IFNGR1: variants seen among roughly 807,000 people sequenced by gnomAD.
IFNGR1 encodes interferon gamma receptor 1, also known as AVP, type 2.
In IFNGR1, 23 loss-of-function variants were observed where a neutral mutation model predicts 35.4. The observed-to-expected ratio is 0.65, with a 90% CI of 0.47 to 0.92. The LOEUF (loss-of-function observed/expected upper bound fraction) is 0.92, where lower values mean the gene tolerates loss of function less well. IFNGR1 is among the 40% of genes least tolerant of loss of function. The pLI, the probability that IFNGR1 is intolerant of heterozygous loss-of-function variation, is 0.00. For missense variants in IFNGR1, 533 were observed against 583.4 expected (o/e 0.91, Z 0.89); for synonymous variants, 199 against 209.5 (o/e 0.95, Z 0.43).
intron 3 of IFNGR1, 71 bp from the exon 4 acceptor site, chr6:137,204,575 C>T (rs1196420230): frequency 4.0e-6 from 5 of 1,248,870 alleles, no homozygotes; most frequent in Non-Finnish European, 5.9e-6. Context: ...CATAAAATTA[C>T]CAGAATCTAT....
At chr6:137,216,960 T>C (rs1158654519) in intron 1 of IFNGR1, among the ~76,000 whole-genome samples, 2 of 152,078 alleles carry the variant, frequency 1.3e-5, no homozygotes, top group East Asian at 3.9e-4. Context: ...AGACAGGCAA[T>C]CCTCCTCCCA....
chr6:137,200,936 T>C lies in IFNGR1; in HGVS notation c.806A>G (p.Tyr269Cys). 1 of 1,609,742 alleles carries C rather than the reference T, an allele frequency of 6.2e-7. No individual in the cohort carries two copies. The change falls in exon 6 of 7, where the codon TAT becomes TGT. Residue 269 changes from tyrosine to cysteine, a missense_variant. By Grantham distance (194) the Tyr-to-Cys change is radical. Coordinates refer to ENST00000367739, the MANE Select transcript of IFNGR1 (RefSeq NM_000416.3). ...CTTCAATGGATTAATTTTCTTAATA[T>C]AAAAACAGATGAATACCAGGCTAAG... The part of the protein sequence containing the change: ...LVLSLVFICF[Y>C]IKKINPLKEK...
At chr6:137,203,733 G>GAA (rs34561084) in intron 4 of IFNGR1, 48 bp from the exon 5 acceptor site, 30,138 of 1,197,650 alleles carry the variant, frequency 0.025, 295 homozygotes, top group South Asian at 0.19. Flanking sequence ...CTTTTAATCT[G>GAA]AAAAAAAAAA....
At chr6:137,201,146 A>C in intron 5 of IFNGR1, 138 bp from the exon 6 acceptor site, 1 of 890,402 alleles carries the variant, frequency 1.1e-6, no homozygotes, top group South Asian at 1.5e-5. Flanking sequence ...TGAAGGAAGC[A>C]GAAGTTAGGA....
chr6:137,207,416 G>T (rs1453842693), intron 1 of IFNGR1, among the ~76,000 whole-genome samples: 1 of 152,196 alleles, frequency 6.6e-6, no homozygotes, highest in South Asian at 2.1e-4. Context: ...TTCATCACTA[G>T]AATTTTCAAT....
At chr6:137,219,107 C>T in intron 1 of IFNGR1, 136 bp downstream of exon 1, 1 of 1,155,104 alleles carries the variant, frequency 8.7e-7, no homozygotes, top group Non-Finnish European at 1.2e-6. Flanking sequence ...GCGTCCCCGT[C>T]GCCCGCTCAG....
chr6:137,203,475 A>G (rs1779338441), intron 5 of IFNGR1, 24 bp downstream of exon 5: 3 of 1,281,866 alleles, frequency 2.3e-6, no homozygotes, highest in Admixed American at 1.7e-5. Context: ...CTCTATATTT[A>G]GAAAAAAAAT....
intron 1 of IFNGR1, among the ~76,000 whole-genome samples, chr6:137,216,027 A>G (rs1304593021): frequency 1.3e-5 from 2 of 152,204 alleles, no homozygotes; most frequent in East Asian, 1.9e-4. Flanking sequence ...ATAGAACCAA[A>G]ATATGGTCCT....
rs538505917 is a variant in IFNGR1 at position 137,199,006 on chromosome 6, G to A, written c.862-367C>T. 2.3e-4 allele frequency among the ~76,000 whole-genome samples: 35 copies of A among 152,130 alleles called. 1 individual carries two copies. The highest frequency in any genetic ancestry group is 6.8e-3 in the Middle Eastern group (2 of 294). ...TCAGTGGGCTGGGAAAGGAAGACCC[G>A]CCCTTAACCCGAATGGGCACAATCT... On this transcript the variant is annotated intron_variant, in intron 6 of 6. Coordinates refer to ENST00000367739, the MANE Select transcript of IFNGR1 (RefSeq NM_000416.3).
intron 2 of IFNGR1, chr6:137,206,548 C>T: frequency 2.2e-6 from 1 of 445,910 alleles, no homozygotes; most frequent in Non-Finnish European, 3.9e-6. Flanking sequence ...CCACATTCCA[C>T]ATTCAATTTT....
At chr6:137,211,460 G>A (rs1044087477) in intron 1 of IFNGR1, among the ~76,000 whole-genome samples, 1 of 152,160 alleles carries the variant, frequency 6.6e-6, no homozygotes, top group African/African-American at 2.4e-5. Flanking sequence ...TATCAAGCTG[G>A]GGAGGGTCTG....
chr6:137,202,523 T>G (rs1678171626), intron 5 of IFNGR1, among the ~76,000 whole-genome samples: 1 of 151,788 alleles, frequency 6.6e-6, no homozygotes, highest in African/African-American at 2.4e-5. Context: ...TTTCCATTCC[T>G]CGAAAATATA....
intron 1 of IFNGR1, chr6:137,209,925 C>A (rs17181695): frequency 2.8e-5 from 11 of 398,510 alleles, no homozygotes; most frequent in Middle Eastern, 6.2e-4. Flanking sequence ...GGGCTTTTTA[C>A]AAAACATACC....
At chr6:137,208,843 C>T (rs1048578552) in intron 1 of IFNGR1, among the ~76,000 whole-genome samples, 4 of 152,118 alleles carry the variant, frequency 2.6e-5, no homozygotes, top group African/African-American at 9.7e-5. Flanking sequence ...GAGAAGAGGG[C>T]CACCATCCTC....
At chr6:137,205,978 T>C (rs776176068) in intron 3 of IFNGR1, among the ~76,000 whole-genome samples, 158 bp downstream of exon 3, 10 of 152,252 alleles carry the variant, frequency 6.6e-5, no homozygotes, top group African/African-American at 9.6e-5. Flanking sequence ...TCTGGGTTTC[T>C]AGACTTGGGA....
At chr6:137,210,056 A>C in intron 1 of IFNGR1, 1 of 390,184 alleles carries the variant, frequency 2.6e-6, no homozygotes, top group Non-Finnish European at 4.5e-6. Flanking sequence ...TCTAGTTATT[A>C]AAAGTAGTCA....
At chr6:137,218,791 G>A (rs1414335229) in intron 1 of IFNGR1, 2 of 349,642 alleles carry the variant, frequency 5.7e-6, no homozygotes, top group Non-Finnish European at 1.1e-5. Flanking sequence ...ACTGCTCTTA[G>A]GTCATGAACC....
intron 5 of IFNGR1, among the ~76,000 whole-genome samples, chr6:137,201,440 C>G (rs187539976): frequency 6.6e-6 from 1 of 152,106 alleles, no homozygotes; most frequent in African/African-American, 2.4e-5. Context: ...TTTGGGAAGT[C>G]GAGGTGGGCG....
chr6:137,213,701 C>T (rs536894273), intron 1 of IFNGR1, among the ~76,000 whole-genome samples: 2 of 152,300 alleles, frequency 1.3e-5, no homozygotes, highest in African/African-American at 2.4e-5. Flanking sequence ...GTCGTGATAG[C>T]TCTGCAATAA....
Sources: gnomAD v4.1 joint callset for allele counts (sites outside exome capture counted in the v4.1 genomes callset) on GRCh38, gnomAD v4.1.1 for gene constraint, MANE v1.5 for transcripts, NCBI Gene and HGNC (gene_info 2026-07-23, HGNC 2026-07-21) for gene names.